Variants in LRPPRC observed in about 807,000 individuals in gnomAD.
LRPPRC encodes leucine rich pentatricopeptide repeat containing.
Under a neutral mutation model 180.3 loss-of-function variants are expected in LRPPRC, and 120 were observed. The ratio of observed to expected loss-of-function variants is 0.67; its 90% CI spans 0.57 to 0.77. LRPPRC has a LOEUF of 0.77. Ranked by LOEUF, LRPPRC falls within the 30% of genes least tolerant of loss-of-function variation. The pLI is 0.00. For synonymous variants in LRPPRC, 723 were observed against 600.0 expected (o/e 1.21, Z -3.00); for missense variants, 2,012 against 1,657.2 (o/e 1.21, Z -3.72).
At chr2:43,926,608 C>G (rs745669017) in intron 25 of LRPPRC, among the ~76,000 whole-genome samples, 8 of 152,164 alleles carry the variant, frequency 5.3e-5, no homozygotes, top group African/African-American at 1.7e-4. Flanking sequence ...CTCAAGTGAT[C>G]TGCCCACCTC....
At chr2:43,995,655 G>T in intron 1 of LRPPRC, 144 bp downstream of exon 1, 1 of 747,622 alleles carries the variant, frequency 1.3e-6, no homozygotes, top group South Asian at 3.2e-5. Flanking sequence ...CTGGTAGGGA[G>T]CGTGGTGCGG....
chr2:43,950,712 G>C, intron 14 of LRPPRC, 112 bp from the exon 15 acceptor site: 1 of 788,740 alleles, frequency 1.3e-6, no homozygotes, highest in African/African-American at 1.7e-5. Flanking sequence ...ATAAATGTTT[G>C]CTGTATCAGG....
At chr2:43,974,026 T>C (rs1673937761) in intron 9 of LRPPRC, 124 bp downstream of exon 9, 1 of 1,196,560 alleles carries the variant, frequency 8.4e-7, no homozygotes, top group African/African-American at 1.5e-5. Flanking sequence ...CCCAAAAATC[T>C]TGCAACACAA....
chr2:43,950,955 G>A (rs998053970), intron 14 of LRPPRC, among the ~76,000 whole-genome samples: 6 of 152,092 alleles, frequency 3.9e-5, no homozygotes, highest in African/African-American at 1.4e-4. Flanking sequence ...CTGTAATCCA[G>A]GCTACTCGGG....
At chr2:43,895,345 A>G (rs1009688517) in intron 35 of LRPPRC, among the ~76,000 whole-genome samples, 1 of 152,160 alleles carries the variant, frequency 6.6e-6, no homozygotes, top group African/African-American at 2.4e-5. Flanking sequence ...TTTCTATAGC[A>G]TGTTTATTCA....
At chr2:43,985,917 G>A (rs1199669336) in intron 1 of LRPPRC, among the ~76,000 whole-genome samples, 1 of 152,170 alleles carries the variant, frequency 6.6e-6, no homozygotes, top group Non-Finnish European at 1.5e-5. Flanking sequence ...ATACCATTTT[G>A]CTTTCCTACT....
intron 23 of LRPPRC, among the ~76,000 whole-genome samples, chr2:43,937,698 G>C (rs953710345): frequency 5.3e-5 from 8 of 152,112 alleles, no homozygotes; most frequent in African/African-American, 1.9e-4. Flanking sequence ...AAGGACATTT[G>C]GGTTCCCTCC....
chr2:43,990,432 T>TC (rs1553415101), intron 1 of LRPPRC, among the ~76,000 whole-genome samples: 1 of 152,200 alleles, frequency 6.6e-6, no homozygotes, highest in Non-Finnish European at 1.5e-5. Flanking sequence ...CACGTTCCTA[T>TC]AATCTACATA....
intron 23 of LRPPRC, among the ~76,000 whole-genome samples, chr2:43,936,484 A>T (rs1265494889): frequency 6.6e-6 from 1 of 152,234 alleles, no homozygotes; most frequent in Non-Finnish European, 1.5e-5. Flanking sequence ...TCTCATACAC[A>T]TAACAGTTTT....
At chr2:43,945,682 C>G (rs1672655208) in intron 21 of LRPPRC, among the ~76,000 whole-genome samples, 1 of 152,074 alleles carries the variant, frequency 6.6e-6, no homozygotes, top group Admixed American at 6.6e-5. Flanking sequence ...AACTCTTTGG[C>G]TTTAAGTGAT....
intron 34 of LRPPRC, among the ~76,000 whole-genome samples, chr2:43,897,987 T>C (rs976517965): frequency 9.9e-5 from 15 of 151,584 alleles, no homozygotes; most frequent in South Asian, 2.1e-4. Context: ...CTTCCTTCTT[T>C]TTTTTTTCAC....
intron 13 of LRPPRC, among the ~76,000 whole-genome samples, chr2:43,958,170 C>A (rs936403951): frequency 6.6e-6 from 1 of 152,174 alleles, no homozygotes; most frequent in Admixed American, 6.5e-5. Context: ...GCCAAACTAG[C>A]AAGGGATGAG....
At chr2:43,967,491 T>A (rs1334894447) in intron 11 of LRPPRC, among the ~76,000 whole-genome samples, 22 of 152,304 alleles carry the variant, frequency 1.4e-4, no homozygotes, top group Non-Finnish European at 8.8e-5. Context: ...CCTAATATCT[T>A]CAAATCTAAG....
At chr2:43,964,992 G>A (rs1200241537) in intron 11 of LRPPRC, among the ~76,000 whole-genome samples, 1 of 152,112 alleles carries the variant, frequency 6.6e-6, no homozygotes, top group East Asian at 1.9e-4. Context: ...TCCAGCCTGG[G>A]CAACATAGCA....
chr2:43,890,569 C>T (rs1230994081), intron 36 of LRPPRC, among the ~76,000 whole-genome samples: 6 of 152,064 alleles, frequency 3.9e-5, no homozygotes, highest in African/African-American at 1.2e-4. Context: ...AAAAATTAGC[C>T]GGGCGTGGTG....
chr2:43,918,146 G>C lies in LRPPRC; in HGVS notation c.3040-13C>G. ...CTTCATACCACAACTTTAAAACAAA[G>C]TTATTCTGTTAAATAAAAACTGGTA... On this transcript the variant is annotated splice_polypyrimidine_tract_variant and intron_variant, in intron 28 of 37. Transcript: ENST00000260665. The C allele has an allele frequency of 6.2e-7, 1 of 1,607,816 alleles. No homozygotes were observed. Among genetic ancestry groups the C allele is most frequent in the African/African-American group, 1.3e-5 (1 of 74,856 alleles).
chr2:43,888,861 G>C (rs1334074371), intron 37 of LRPPRC, among the ~76,000 whole-genome samples: 1 of 150,648 alleles, frequency 6.6e-6, no homozygotes, highest in Non-Finnish European at 1.5e-5. Flanking sequence ...GCTAGCAGCA[G>C]GAGGTAGGGT....
At chr2:43,966,165 G>A (rs1365089360) in intron 11 of LRPPRC, among the ~76,000 whole-genome samples, 1 of 151,778 alleles carries the variant, frequency 6.6e-6, no homozygotes, top group Non-Finnish European at 1.5e-5. Context: ...CAACATGAAT[G>A]AACTTGAAGC....
intron 27 of LRPPRC, among the ~76,000 whole-genome samples, chr2:43,920,261 G>A (rs1419853914): frequency 5.3e-5 from 8 of 151,800 alleles, no homozygotes; most frequent in Admixed American, 1.3e-4. Context: ...TCAGACTCCC[G>A]AGTAGCTGAG....
Sources: gnomAD v4.1 joint callset for allele counts (sites outside exome capture counted in the v4.1 genomes callset) on GRCh38, gnomAD v4.1.1 for gene constraint, MANE v1.5 for transcripts, NCBI Gene and HGNC (gene_info 2026-07-23, HGNC 2026-07-21) for gene names.